Variants in MYRIP observed in about 807,000 individuals in gnomAD.
MYRIP encodes the protein myosin VIIA and Rab interacting protein, also known as rab effector MyRIP.
In MYRIP, 49 loss-of-function variants were observed where a neutral mutation model predicts 98.0. The ratio of observed to expected loss-of-function variants is 0.50; its 90% CI spans 0.40 to 0.63. The LOEUF is 0.63. Among genes scored for constraint, MYRIP ranks in the 30% least tolerant of loss-of-function variants. The pLI is 0.00. For synonymous variants in MYRIP, 404 were observed against 409.5 expected, an observed-to-expected ratio of 0.99 and a Z score of 0.16; for missense variants, 1,004 against 1,058.2, an observed-to-expected ratio of 0.95 and a Z score of 0.71.
chr3:39,973,681 A>C (rs1234975865), intron 2 of MYRIP, among the ~76,000 whole-genome samples: 1 of 129,256 alleles, frequency 7.7e-6, no homozygotes, highest in East Asian at 2.0e-4. Flanking sequence ...ATGTAAAAGA[A>C]GAGAAATTAT....
intron 3 of MYRIP, among the ~76,000 whole-genome samples, chr3:40,148,031 C>T (rs1950044978): frequency 6.6e-6 from 1 of 152,138 alleles, no homozygotes; most frequent in Admixed American, 6.5e-5. Flanking sequence ...TTATTTTGCC[C>T]TCTTGTGATG....
chr3:40,209,801 C>A, intron 10 of MYRIP, 53 bp from the exon 11 acceptor site: 1 of 1,604,910 alleles, frequency 6.2e-7, no homozygotes. Context: ...GAACAAGAAG[C>A]AACATGGCTG....
At chr3:40,035,011 G>A (rs11923359) in intron 2 of MYRIP, among the ~76,000 whole-genome samples, 41,276 of 144,776 alleles carry the variant, frequency 0.29, 7,038 homozygotes, top group East Asian at 0.5. Flanking sequence ...CTCATAGGTG[G>A]GAATTGAACA....
At chr3:39,885,130 T>G (rs1943256679) in intron 1 of MYRIP, among the ~76,000 whole-genome samples, 2 of 151,954 alleles carry the variant, frequency 1.3e-5, no homozygotes, top group Non-Finnish European at 2.9e-5. Flanking sequence ...CACTTATCTT[T>G]TTATATATTT....
At chr3:40,008,658 T>G (rs939343851) in intron 2 of MYRIP, among the ~76,000 whole-genome samples, 5 of 152,104 alleles carry the variant, frequency 3.3e-5, no homozygotes, top group African/African-American at 1.2e-4. Flanking sequence ...TATTGGTAAT[T>G]ATAGCAAGAC....
At chr3:39,859,812 C>G (rs79306412) in intron 1 of MYRIP, among the ~76,000 whole-genome samples, 1,716 of 152,236 alleles carry the variant, frequency 0.011, 30 homozygotes, top group South Asian at 0.036. Context: ...AATTCAACAT[C>G]CTTCTGAGAT....
At chr3:40,038,479 A>T (rs1318548874) in intron 2 of MYRIP, among the ~76,000 whole-genome samples, 4 of 152,140 alleles carry the variant, frequency 2.6e-5, no homozygotes, top group Non-Finnish European at 5.9e-5. Context: ...AGTTATTTTT[A>T]AAATTAATGA....
At chr3:40,124,333 A>C (rs913489335) in intron 3 of MYRIP, among the ~76,000 whole-genome samples, 3 of 152,208 alleles carry the variant, frequency 2.0e-5, no homozygotes, top group Admixed American at 2.0e-4. Context: ...ACTACTCCAA[A>C]GGCCCCTTTT....
At chr3:39,865,406 A>C (rs1199114718) in intron 1 of MYRIP, among the ~76,000 whole-genome samples, 4 of 152,206 alleles carry the variant, frequency 2.6e-5, no homozygotes, top group Non-Finnish European at 4.4e-5. Context: ...AGAATGGAAA[A>C]AAAATTTTCA....
At chr3:39,895,509 T>G (rs559142805) in intron 1 of MYRIP, among the ~76,000 whole-genome samples, 5 of 141,428 alleles carry the variant, frequency 3.5e-5, no homozygotes, top group African/African-American at 1.4e-4. Flanking sequence ...CCTTTTAATT[T>G]TATCCATATA....
At chr3:40,234,991 T>C (rs944891268) in intron 12 of MYRIP, among the ~76,000 whole-genome samples, 51 of 83,832 alleles carry the variant, frequency 6.1e-4, no homozygotes, top group African/African-American at 2.2e-3. Context: ...AGACCCTGTC[T>C]CAAAAAAAAA....
chr3:40,189,958 C>T lies in MYRIP; in HGVS notation c.1160C>T (p.Ala387Val), dbSNP rs1372278099. Residue 387 changes from alanine (A) to valine (V), a missense_variant, in exon 10 of 17, where the codon GCA (alanine) becomes GTA (valine). By Grantham distance (64) the Ala-to-Val change is moderately conservative (BLOSUM62 0). Transcript: ENST00000302541. Reference sequence around the variant, plus strand: ...GCCCTGGAGGTGGCCTCCAGTGTGGCATCTGCCTACGATGAGATGGGCTCC... The same window carrying T: ...GCCCTGGAGGTGGCCTCCAGTGTGGTATCTGCCTACGATGAGATGGGCTCC... ...FQALEVASSVASAYDEMGSDS... is the reference protein window; with the variant it reads ...FQALEVASSVVSAYDEMGSDS... 1 of 1,614,146 alleles carries T rather than the reference C, an allele frequency of 6.2e-7. No homozygotes were observed. The highest frequency in any genetic ancestry group is 1.1e-5 in the South Asian group (1 of 91,084).
rs1042128056 is a variant in MYRIP, at chr3:39,969,135, T to C, written c.110+68209T>C. 3.9e-5 allele frequency among the ~76,000 whole-genome samples: 6 copies of C among 152,306 alleles called. No individual in the cohort carries two copies. In the South Asian group the frequency reaches 1.0e-3, roughly 26 times the overall value. On this transcript the variant is annotated intron_variant, in intron 2 of 16. Coordinates refer to ENST00000302541, the MANE Select transcript of MYRIP (RefSeq NM_015460.4). ...GATTTGGTGCTCAGTTTGGCTATTG[T>C]TGGTGTATAGAAATGCTAGTGATTT...
At chr3:40,179,456 AAAAG>A (rs1466454097) in intron 8 of MYRIP, among the ~76,000 whole-genome samples, 1 of 152,212 alleles carries the variant, frequency 6.6e-6, no homozygotes, top group African/African-American at 2.4e-5. Flanking sequence ...CGTCCCATAA[AAAAG>A]GACCCCAGCC....
At chr3:40,183,442 A>T (rs1375038214) in intron 9 of MYRIP, among the ~76,000 whole-genome samples, 2 of 152,226 alleles carry the variant, frequency 1.3e-5, no homozygotes, top group Non-Finnish European at 2.9e-5. Flanking sequence ...GGTCCTTTAT[A>T]AAGCTGTTGA....
intron 2 of MYRIP, among the ~76,000 whole-genome samples, chr3:39,926,798 C>T (rs1187535825): frequency 6.6e-6 from 1 of 151,940 alleles, no homozygotes; most frequent in East Asian, 1.9e-4. Flanking sequence ...CTTAGGAATG[C>T]TTTGGCTATT....
chr3:39,849,976 G>C lies in MYRIP; in HGVS notation c.-31+40060G>C, dbSNP rs560840915. On this transcript the variant is annotated intron_variant, in intron 1 of 16. Coordinates refer to ENST00000302541, the MANE Select transcript of MYRIP (RefSeq NM_015460.4). Reference sequence around the variant, plus strand: ...TTTATAACTTAGAGATTATCAGGATGGTCACCACGACATGCCTGTACTTCC... The same window carrying C: ...TTTATAACTTAGAGATTATCAGGATCGTCACCACGACATGCCTGTACTTCC... Among the ~76,000 whole-genome samples, 4 of 152,312 alleles carry C rather than the reference G, an allele frequency of 2.6e-5. 1 individual carries two copies. In the South Asian group the frequency reaches 8.3e-4, roughly 32 times the overall value.
At chr3:40,219,834 C>T (rs920870062) in intron 11 of MYRIP, among the ~76,000 whole-genome samples, 10 of 151,246 alleles carry the variant, frequency 6.6e-5, no homozygotes, top group African/African-American at 2.4e-4. Flanking sequence ...ATTTATAATC[C>T]TTTGGGTATA....
intron 3 of MYRIP, among the ~76,000 whole-genome samples, chr3:40,112,695 C>A (rs909563678): frequency 2.0e-5 from 3 of 152,180 alleles, no homozygotes; most frequent in Non-Finnish European, 2.9e-5. Flanking sequence ...CAGGTCCAAA[C>A]TTTTGTGCCT....
Sources: allele counts gnomAD v4.1 joint callset (sites outside exome capture counted in the v4.1 genomes callset), GRCh38; gene constraint gnomAD v4.1.1; transcripts MANE v1.5; gene names NCBI Gene and HGNC (gene_info 2026-07-23, HGNC 2026-07-21).